DSEL: variants seen among roughly 807,000 people sequenced by gnomAD.
The protein encoded by DSEL is dermatan-sulfate epimerase-like protein.
In DSEL, 61 loss-of-function variants were observed where a neutral mutation model predicts 96.6. That is an observed-to-expected ratio of 0.63 (90% CI 0.51 to 0.78). The LOEUF is 0.78. Ranked by LOEUF, DSEL falls within the 30% of genes least tolerant of loss-of-function variation. The pLI is 0.00. For missense variants in DSEL, 1,320 were observed against 1,430.8 expected (o/e 0.92, Z 1.25); for synonymous variants, 514 against 502.0 (o/e 1.02, Z -0.32).
rs2089438602 is a variant in DSEL, at chr18:67,511,006, C to T, written c.3603G>A (p.Leu1201=). The part of the protein sequence containing the change: ...IKLIENICWT[L]MDRLGYPKFM... ...ACTTTGGATATCCTAGGCGATCCAT[C>T]AGAGTCCAGCAGATGTTTTCAATTA... The change falls in exon 2 of 2, where the codon CTG becomes CTA. Residue 1201 remains leucine, a synonymous_variant. Coordinates refer to ENST00000310045, the MANE Select transcript of DSEL (RefSeq NM_032160.3). 1 of 1,604,856 alleles carries T rather than the reference C, an allele frequency of 6.2e-7. No homozygotes were observed. The highest frequency in any genetic ancestry group is 2.2e-5 in the East Asian group (1 of 44,830).
In DSEL at chr18:67,511,237, C is replaced by G; in HGVS notation, c.3372G>C (p.Leu1124=). The part of the protein sequence containing the change: ...NTDLLPTSYQ[L]VKFEDIVHFP... ...AATGCACAATATCTTCAAACTTGAC[C>G]AGCTGGTAGCTAGTAGGCAGCAAAT... is the stretch of plus-strand genomic sequence containing the variant. The change falls in exon 2 of 2, where the codon CTG becomes CTC. Residue 1124 remains leucine, a synonymous_variant. Coordinates refer to ENST00000310045, the MANE Select transcript of DSEL (RefSeq NM_032160.3). 6.2e-7 allele frequency: 1 copy of G among 1,613,414 alleles called. No homozygotes were observed. Among genetic ancestry groups the G allele is most frequent in the Non-Finnish European group, 8.5e-7 (1 of 1,180,004 alleles).
chr18:67,509,651 G>A lies in DSEL; in HGVS notation c.*1319C>T, dbSNP rs1005187711. On this transcript the variant is annotated 3_prime_UTR_variant, in exon 2 of 2. Transcript: ENST00000310045. ...ATGACAGACTTCCAAGTGTTAGAGA[G>A]CTTGGGGGAACCACAGTTTGAAACA... 1.3e-5 allele frequency: 2 copies of A among 152,234 alleles called. No individual in the cohort carries two copies. Among genetic ancestry groups the A allele is most frequent in the African/African-American group, 4.8e-5 (2 of 41,436 alleles). The allele number at this position is 152,234 out of a possible 1,614,324, so 9.4% of individuals were successfully genotyped here. A position where few individuals can be genotyped will look rare whatever the true frequency, so the allele number is the denominator to read the frequency against.
rs7227452 is a variant in DSEL at position 67,507,549 on chromosome 18, A to G, written c.*3421T>C. 2.0e-5 allele frequency: 3 copies of G among 152,198 alleles called. No homozygotes were observed. Among genetic ancestry groups the G allele is most frequent in the Admixed American group, 6.5e-5 (1 of 15,268 alleles). The allele number at this position is 152,198 out of a possible 1,614,324, so 9.4% of individuals were successfully genotyped here. ...CTTAAAATTGTGATATACTTTGTAT[A>G]CCAAGAATGCCAAAGATACTTGGTG... On this transcript the variant is annotated 3_prime_UTR_variant, in exon 2 of 2. Transcript: ENST00000310045.
Position 67,511,852 on chromosome 18 carries a change from G to C in DSEL, c.2757C>G (p.Leu919=). 6.2e-7 allele frequency: 1 copy of C among 1,614,136 alleles called. No individual in the cohort carries two copies. Residue 919 remains leucine, a synonymous_variant, in exon 2 of 2, where the codon CTC becomes CTG. Transcript: ENST00000310045. ...SDIRSGHFRL[L]RGWLQSLVQD... is the part of the protein sequence containing the mutation. Reference sequence around the variant, plus strand: ...GGACTAAAGACTGCAACCAGCCTCGGAGTAAACGAAAATGCCCACTGCGGA... The same window carrying C: ...GGACTAAAGACTGCAACCAGCCTCGCAGTAAACGAAAATGCCCACTGCGGA...
In DSEL at chr18:67,512,511, G is replaced by A. The variant is rs745871525; in HGVS notation, c.2098C>T (p.Pro700Ser). ...ACATTGAGAGAAATCTGAAGTCCAGGATTGGAACTATCAATAAATCTGCAG... is the reference window on the plus strand; with the variant it reads ...ACATTGAGAGAAATCTGAAGTCCAGAATTGGAACTATCAATAAATCTGCAG... ...SSCRFIDSSN[P>S]GLQISLNVNN... Residue 700 changes from proline (P) to serine (S), a missense_variant, in exon 2 of 2, where the codon CCT becomes TCT. Coordinates refer to ENST00000310045, the MANE Select transcript of DSEL (RefSeq NM_032160.3). The A allele has an allele frequency of 3.7e-6, 6 of 1,613,918 alleles. No homozygotes were observed. The Admixed American group carries it at 8.3e-5, about 22-fold the overall frequency.
In DSEL at chr18:67,513,582, G is replaced by A; in HGVS notation, c.1027C>T (p.Gln343Ter). ...ATGAACTTATCCAAGAAAACTAGCTGGCTTTCTGGACCATAAAACCAATTA... is the reference window on the plus strand; with the variant it reads ...ATGAACTTATCCAAGAAAACTAGCTAGCTTTCTGGACCATAAAACCAATTA... The part of the protein sequence containing the change: ...NYNWFYGPES[Q>*]LVFLDKFILK... Residue 343 changes from glutamine (Q) to a stop codon, truncating the protein, a stop_gained, in exon 2 of 2, where the codon CAG becomes TAG. Coordinates refer to ENST00000310045, the MANE Select transcript of DSEL (RefSeq NM_032160.3). LOFTEE classifies it high-confidence loss of function. 6.2e-7 allele frequency: 1 copy of A among 1,614,116 alleles called. No individual in the cohort carries two copies. The highest frequency in any genetic ancestry group is 8.5e-7 in the Non-Finnish European group (1 of 1,180,020).
rs1008614537 is a variant in DSEL, at chr18:67,508,388, T to C, written c.*2582A>G. ...TCACCCGCTCACCCATACATAACAT[T>C]CCTTACAGAACAATCTGTGAGTGGA... On this transcript the variant is annotated 3_prime_UTR_variant, in exon 2 of 2. Coordinates refer to ENST00000310045, the MANE Select transcript of DSEL (RefSeq NM_032160.3). 1.5e-4 allele frequency: 23 copies of C among 152,188 alleles called. No individual in the cohort carries two copies. The highest frequency in any genetic ancestry group is 2.8e-4 in the Non-Finnish European group (19 of 68,020). 9.4% of individuals were successfully genotyped at this position (152,188 alleles called of 1,614,324 possible).
chr18:67,513,609 A>T lies in DSEL; in HGVS notation c.1000T>A (p.Tyr334Asn), dbSNP rs1178188741. 1 of 1,614,090 alleles carries T rather than the reference A, an allele frequency of 6.2e-7. No individual in the cohort carries two copies. Among genetic ancestry groups the T allele is most frequent in the Non-Finnish European group, 8.5e-7 (1 of 1,180,040 alleles). Residue 334 changes from tyrosine to asparagine, a missense_variant, in exon 2 of 2, where the codon TAT (tyrosine) becomes AAT (asparagine). Around this residue, in one of 3 missense-constraint regions of DSEL, gnomAD observed 986 missense variants for 1,066.4 expected, o/e 0.92. Coordinates refer to ENST00000310045, the MANE Select transcript of DSEL (RefSeq NM_032160.3). ...CTTTCTGGACCATAAAACCAATTAT[A>T]ATTGGAATCTGCTATACCCACAGTT... ...QRTVGIADSN[Y>N]NWFYGPESQL... is the part of the protein sequence containing the mutation.
rs1304395871 is a variant in DSEL, at chr18:67,513,187, T to C, written c.1422A>G (p.Ser474=). 1 of 1,614,126 alleles carries C rather than the reference T, an allele frequency of 6.2e-7. No individual in the cohort carries two copies. The highest frequency in any genetic ancestry group is 8.5e-7 in the Non-Finnish European group (1 of 1,180,016). ...NPGHEHPDQN[S]FTFAPNGQVF... ...CTTGTCCATTGGGGGCAAAAGTAAA[T>C]GAGTTCTGATCTGGATGCTCATGTC... The change falls in exon 2 of 2, where the codon TCA becomes TCG. Residue 474 remains serine, a synonymous_variant. Transcript: ENST00000310045.
At position 67,509,468 on chromosome 18, in the gene DSEL, G is replaced by C. The variant is rs556849569; in HGVS notation, c.*1502C>G. 7.2e-5 allele frequency: 11 copies of C among 152,102 alleles called. No individual in the cohort carries two copies. The highest frequency in any genetic ancestry group is 1.6e-4 in the Non-Finnish European group (11 of 68,042). 9.4% of individuals were successfully genotyped at this position (152,102 alleles called of 1,614,324 possible). A position where few individuals can be genotyped will look rare whatever the true frequency, so the allele number is the denominator to read the frequency against. On this transcript the variant is annotated 3_prime_UTR_variant, in exon 2 of 2. Transcript: ENST00000310045. ...GAGAGATATGGGAAGGAATATGTTG[G>C]GGAGGGGGGGCAGTCTCCACTCACA... is the stretch of plus-strand genomic sequence containing the variant.
Position 67,516,703 on chromosome 18 carries a change from C to T in DSEL, c.-1227G>A, listed in dbSNP as rs2089479076. 6.6e-6 allele frequency: 1 copy of T among 151,694 alleles called. No individual in the cohort carries two copies. The highest frequency in any genetic ancestry group is 2.4e-5 in the African/African-American group (1 of 41,366). 9.4% of individuals were successfully genotyped at this position (151,694 alleles called of 1,614,324 possible). On this transcript the variant is annotated 5_prime_UTR_variant, in exon 1 of 2. Coordinates refer to ENST00000310045, the MANE Select transcript of DSEL (RefSeq NM_032160.3). The surrounding 1 kb of genome is among the most constrained non-coding windows in gnomAD (Gnocchi z 5.6). ...GCGTGCCCAGGCGGTGATGTCGCCG[C>T]GGCCGAGGATCCTCTGTGCCAGCTC...
At position 67,510,861 on chromosome 18, in the gene DSEL, C is replaced by G. The variant is rs1387683730; in HGVS notation, c.*109G>C. The G allele has an allele frequency of 1.3e-6, 1 of 794,300 alleles. No homozygotes were observed. The highest frequency in any genetic ancestry group is 2.0e-5 in the African/African-American group (1 of 50,430). The allele number at this position is 794,300 out of a possible 1,614,324, so 49.2% of individuals were successfully genotyped here. A position where few individuals can be genotyped will look rare whatever the true frequency, so the allele number is the denominator to read the frequency against. Reference sequence around the variant, plus strand: ...GTGCAAACAACACTGAACACATACACGCGTGCACACACACACACACACTAA... The same window carrying G: ...GTGCAAACAACACTGAACACATACAGGCGTGCACACACACACACACACTAA... On this transcript the variant is annotated 3_prime_UTR_variant, in exon 2 of 2. Coordinates refer to ENST00000310045, the MANE Select transcript of DSEL (RefSeq NM_032160.3).
Sources: gnomAD v4.1 joint callset for allele counts on GRCh38, gnomAD v4.1.1 for gene constraint, gnomAD v4.1.1 regional missense constraint, Gnocchi (gnomAD v3.1) non-coding constraint, MANE v1.5 for transcripts, NCBI Gene and HGNC (gene_info 2026-07-23, HGNC 2026-07-21) for gene names.